ACAD8: variants seen among roughly 807,000 people sequenced by gnomAD.
ACAD8 encodes acyl-CoA dehydrogenase family member 8, also known as isobutyryl-CoA dehydrogenase, mitochondrial.
In ACAD8, 47 loss-of-function variants were observed where a neutral mutation model predicts 53.1. The ratio of observed to expected loss-of-function variants is 0.89; its 90% confidence interval spans 0.70 to 1.13. The LOEUF (loss-of-function observed/expected upper bound fraction) is 1.13. Among genes scored for constraint, ACAD8 ranks in the 50% most tolerant of loss-of-function variants. ACAD8 has a pLI of 0.00. For synonymous variants in ACAD8, 198 were observed against 201.3 expected (o/e 0.98, Z 0.14); for missense variants, 494 against 535.0 (o/e 0.92, Z 0.76).
intron 6 of ACAD8, chr11:134,260,756 T>G: frequency 2.2e-6 from 1 of 457,740 alleles, no homozygotes; most frequent in Non-Finnish European, 4.0e-6. Context: ...TTGGGGGCAG[T>G]TGGTGTCACA....
In ACAD8 at chr11:134,265,027, C is replaced by A; in HGVS notation, c.*67C>A. 1 of 1,522,964 alleles carries A rather than the reference C, an allele frequency of 6.6e-7. No homozygotes were observed. The highest frequency in any genetic ancestry group is 9.1e-7 in the Non-Finnish European group (1 of 1,098,018). 94.3% of individuals were successfully genotyped at this position (1,522,964 alleles called of 1,614,324 possible). On this transcript the variant is annotated 3_prime_UTR_variant, in exon 11 of 11. Transcript: ENST00000281182. ...TCAGTGTTGAGTGGTGCCATGTGGG[C>A]CGCTCTATTCCAAAGGAATCATGGA...
rs1377716013 is a variant in ACAD8 at position 134,265,297 on chromosome 11, A to C, written c.*337A>C. The C allele has an allele frequency of 9.2e-6, 3 of 324,992 alleles. No homozygotes were observed. The highest frequency in any genetic ancestry group is 6.1e-5 in the East Asian group (1 of 16,500). The allele number at this position is 324,992 out of a possible 1,614,324, so 20.1% of individuals were successfully genotyped here. ...TATCTTGATTAGTCTGCATTTTACT[A>C]GTTCACTGGATCCCTCCTCTAGGGG... is the stretch of plus-strand genomic sequence containing the variant. On this transcript the variant is annotated 3_prime_UTR_variant, in exon 11 of 11. Coordinates refer to ENST00000281182, the MANE Select transcript of ACAD8 (RefSeq NM_014384.3).
chr11:134,264,096 G>A (rs1940055118), intron 10 of ACAD8: 5 of 969,676 alleles, frequency 5.2e-6, no homozygotes, highest in African/African-American at 3.5e-5. Context: ...TATAATCGCC[G>A]CACTTTGGGA....
intron 1 of ACAD8, among the ~76,000 whole-genome samples, chr11:134,254,941 A>T (rs1263844439): frequency 6.6e-6 from 1 of 152,178 alleles, no homozygotes; most frequent in Non-Finnish European, 1.5e-5. Context: ...CCTTCTGGGA[A>T]CTTGTGTTTA....
intron 10 of ACAD8, 23 bp downstream of exon 10, chr11:134,262,645 C>G: frequency 6.2e-7 from 1 of 1,602,830 alleles, no homozygotes; most frequent in South Asian, 1.1e-5. Flanking sequence ...AGAGGTTATT[C>G]TCTTCCCTTC....
chr11:134,258,111 T>C (rs1221356734), intron 3 of ACAD8: 1 of 300,298 alleles, frequency 3.3e-6, no homozygotes, highest in Non-Finnish European at 6.5e-6. Flanking sequence ...CGGCCTCCCA[T>C]AGTGCTGGGA....
Position 134,257,101 on chromosome 11 carries a change from T to C in ACAD8, c.224T>C (p.Val75Ala). Residue 75 changes from valine (V) to alanine (A), a missense_variant, in exon 3 of 11, where the codon GTG becomes GCG. Val to Ala is a moderately conservative substitution (Grantham distance 64). Coordinates refer to ENST00000281182, the MANE Select transcript of ACAD8 (RefSeq NM_014384.3). ...TTTTGTACATAGGAGCTGTTCCCAGTGGATGTGATGCGGAAGGCAGCCCAG... is the reference window on the plus strand; with the variant it reads ...TTTTGTACATAGGAGCTGTTCCCAGCGGATGTGATGCGGAAGGCAGCCCAG... ...AEWDQKELFP[V>A]DVMRKAAQLG... The C allele has an allele frequency of 6.2e-7, 1 of 1,614,180 alleles. No individual in the cohort carries two copies. Among genetic ancestry groups the C allele is most frequent in the Non-Finnish European group, 8.5e-7 (1 of 1,180,040 alleles).
chr11:134,264,804 A>G, intron 10 of ACAD8, 104 bp from the exon 11 acceptor site: 1 of 973,688 alleles, frequency 1.0e-6, no homozygotes, highest in Non-Finnish European at 1.7e-6. Context: ...TGTAGTTTAA[A>G]TCTGCAGCTA....
chr11:134,258,132 G>A (rs956921563), intron 3 of ACAD8: 1 of 335,274 alleles, frequency 3.0e-6, no homozygotes, highest in African/African-American at 2.2e-5. Flanking sequence ...TTACAGATGT[G>A]AGCCACCGCA....
intron 10 of ACAD8, among the ~76,000 whole-genome samples, chr11:134,264,277 G>A (rs1940067309): frequency 6.6e-6 from 1 of 152,168 alleles, no homozygotes; most frequent in African/African-American, 2.4e-5. Flanking sequence ...CCCAGGAGGT[G>A]GAGGTTGCAG....
intron 1 of ACAD8, among the ~76,000 whole-genome samples, chr11:134,255,285 G>T (rs749722384): frequency 1.3e-5 from 2 of 152,106 alleles, no homozygotes; most frequent in African/African-American, 4.8e-5. Flanking sequence ...TACAGCACAT[G>T]CCACCATGCC....
intron 1 of ACAD8, among the ~76,000 whole-genome samples, chr11:134,254,056 C>T (rs572227504): frequency 1.0e-3 from 158 of 152,130 alleles, no homozygotes; most frequent in African/African-American, 3.6e-3. Context: ...GTCATCCCCC[C>T]GCAGGTTCCC....
intron 9 of ACAD8, 185 bp downstream of exon 9, chr11:134,262,075 G>A: frequency 1.4e-6 from 1 of 733,016 alleles, no homozygotes; most frequent in South Asian, 1.5e-5. Context: ...TGGCTTTTAG[G>A]CCTGCTGCAT....
At chr11:134,262,320 G>A in intron 9 of ACAD8, 200 bp from the exon 10 acceptor site, 1 of 670,924 alleles carries the variant, frequency 1.5e-6, no homozygotes, top group Non-Finnish European at 2.7e-6. Flanking sequence ...GCCTGTCTGG[G>A]GGGAACTGAC....
Position 134,261,784 on chromosome 11 carries a change from C to T in ACAD8, c.986C>T (p.Ala329Val), listed in dbSNP as rs372521286. The T allele has an allele frequency of 5.8e-5, 93 of 1,614,020 alleles. No individual in the cohort carries two copies. The highest frequency in any genetic ancestry group is 1.0e-4 in the Admixed American group (6 of 59,992). Residue 329 changes from alanine (A) to valine (V), a missense_variant, in exon 9 of 11, where the codon GCG (alanine) becomes GTG (valine). By Grantham distance (64) the Ala-to-Val change is moderately conservative. Transcript: ENST00000281182. The surrounding 1 kb of genome is among the most constrained non-coding windows in gnomAD (Gnocchi z 4.2). Reference sequence around the variant, plus strand: ...GATATGGCAACAAGGCTGGTGGCCGCGCGGCTGATGGTCCGCAATGCAGCA... The same window carrying T: ...GATATGGCAACAAGGCTGGTGGCCGTGCGGCTGATGGTCCGCAATGCAGCA... ...LADMATRLVAARLMVRNAAVA... is the reference protein window; with the variant it reads ...LADMATRLVAVRLMVRNAAVA...
In ACAD8 at chr11:134,259,244, T is replaced by C. The variant is rs1939734366; in HGVS notation, c.567+160T>C. The C allele has an allele frequency of 5.4e-6, 4 of 741,556 alleles. No individual in the cohort carries two copies. The East Asian group carries it at 8.0e-5, about 15-fold the overall frequency. The allele number at this position is 741,556 out of a possible 1,614,324, so 45.9% of individuals were successfully genotyped here. A position where few individuals can be genotyped will look rare whatever the true frequency, so the allele number is the denominator to read the frequency against. On this transcript the variant is annotated intron_variant, in intron 5 of 10. Transcript: ENST00000281182. ...TTTCTCTTTCTTTATTCTCACTGTTTGTATCTCTCCTAATCTGATTCCAGA... is the reference window on the plus strand; with the variant it reads ...TTTCTCTTTCTTTATTCTCACTGTTCGTATCTCTCCTAATCTGATTCCAGA...
At chr11:134,258,959 C>T in intron 4 of ACAD8, 49 bp from the exon 5 acceptor site, 1 of 1,485,030 alleles carries the variant, frequency 6.7e-7, no homozygotes, top group Non-Finnish European at 9.4e-7. Flanking sequence ...CTCCCTCGAC[C>T]TCACTGACTT....
intron 1 of ACAD8, among the ~76,000 whole-genome samples, chr11:134,256,088 G>A (rs914621672): frequency 4.6e-5 from 7 of 152,184 alleles, no homozygotes; most frequent in East Asian, 1.9e-4. Flanking sequence ...TGTATTTTTA[G>A]TAGAGGCGGG....
At chr11:134,254,418 G>A (rs11223734) in intron 1 of ACAD8, among the ~76,000 whole-genome samples, 56,673 of 152,058 alleles carry the variant, frequency 0.37, 10,822 homozygotes, top group African/African-American at 0.46. Flanking sequence ...TGAATGTAGC[G>A]AGGAGTGGTG....
Sources: gnomAD v4.1 joint callset for allele counts (sites outside exome capture counted in the v4.1 genomes callset) on GRCh38, gnomAD v4.1.1 for gene constraint, Gnocchi (gnomAD v3.1) non-coding constraint, MANE v1.5 for transcripts, NCBI Gene and HGNC (gene_info 2026-07-23, HGNC 2026-07-21) for gene names.